Variants in CCDC178 observed in about 807,000 individuals in gnomAD.
CCDC178 encodes the protein coiled-coil domain-containing protein 178.
Under a neutral mutation model 117.4 loss-of-function variants are expected in CCDC178, and 126 were observed. The ratio of observed to expected loss-of-function variants is 1.07; its 90% CI spans 0.93 to 1.24. The LOEUF (loss-of-function observed/expected upper bound fraction) is 1.24. CCDC178 is among the 50% of genes most tolerant of loss of function. The pLI, the probability that CCDC178 is intolerant of heterozygous loss-of-function variation, is 0.00. For synonymous variants in CCDC178, 283 were observed against 313.4 expected, an observed-to-expected ratio of 0.90 and a Z score of 1.02; for missense variants, 1,030 against 986.9, an observed-to-expected ratio of 1.04 and a Z score of -0.59.
intron 20 of CCDC178, among the ~76,000 whole-genome samples, chr18:33,114,681 T>C (rs1053129167): frequency 2.0e-5 from 3 of 152,086 alleles, no homozygotes; most frequent in African/African-American, 7.2e-5. Flanking sequence ...GAAACAGGGC[T>C]ATAGTTACTT....
rs545013168 is a variant in CCDC178 at position 32,989,167 on chromosome 18, A to G, written c.2389-14486T>C. Among the ~76,000 whole-genome samples, 8 of 152,334 alleles carry G rather than the reference A, an allele frequency of 5.3e-5. No individual in the cohort carries two copies. In the South Asian group the frequency reaches 1.7e-3, roughly 32 times the overall value. ...TCCAATAAATGCAGTAAAAAAACCA[A>G]AAAGTATAATTTAATTCTACTTATA... On this transcript the variant is annotated intron_variant, in intron 21 of 22. Coordinates refer to ENST00000383096, the MANE Select transcript of CCDC178 (RefSeq NM_001105528.4).
intron 21 of CCDC178, among the ~76,000 whole-genome samples, chr18:32,993,377 T>C (rs1681667809): frequency 6.6e-6 from 1 of 152,130 alleles, no homozygotes; most frequent in Non-Finnish European, 1.5e-5. Flanking sequence ...ACCCTTACTA[T>C]GGCAATGACC....
intron 20 of CCDC178, among the ~76,000 whole-genome samples, chr18:33,211,003 A>T (rs2144587180): frequency 6.6e-6 from 1 of 151,904 alleles, no homozygotes; most frequent in Admixed American, 6.6e-5. Flanking sequence ...AATAGTCTTT[A>T]AAAAAAAGTT....
chr18:33,124,923 C>T lies in CCDC178; in HGVS notation c.2239-32013G>A, dbSNP rs565650287. Reference sequence around the variant, plus strand: ...GTGCATTGGTTTTAGTATCTGCTAACGCTGAAAGTAGATTTCTGAGACATG... The same window carrying T: ...GTGCATTGGTTTTAGTATCTGCTAATGCTGAAAGTAGATTTCTGAGACATG... On this transcript the variant is annotated intron_variant, in intron 20 of 22. Coordinates refer to ENST00000383096, the MANE Select transcript of CCDC178 (RefSeq NM_001105528.4). Among the ~76,000 whole-genome samples, 169 of 152,260 alleles carry T rather than the reference C, an allele frequency of 1.1e-3. 1 individual carries two copies. The highest frequency in any genetic ancestry group is 3.2e-3 in the African/African-American group (134 of 41,556).
chr18:33,172,605 C>T (rs1022681494), intron 20 of CCDC178, among the ~76,000 whole-genome samples: 5 of 152,076 alleles, frequency 3.3e-5, no homozygotes, highest in African/African-American at 9.7e-5. Context: ...AATCTCATGG[C>T]CTTACCACTC....
At chr18:33,013,820 T>C (rs1331550233) in intron 21 of CCDC178, among the ~76,000 whole-genome samples, 2 of 152,216 alleles carry the variant, frequency 1.3e-5, no homozygotes, top group African/African-American at 4.8e-5. Context: ...TAACCACTCC[T>C]ATTTAGACAA....
chr18:33,249,192 A>G lies in CCDC178; in HGVS notation c.1410-3764T>C, dbSNP rs1275979826. On this transcript the variant is annotated intron_variant, in intron 14 of 22. Transcript: ENST00000383096. ...GCCCTTTGTCAGATGAGTAGATTGC[A>G]AAAATTTTCTCCCATTCTGTGGGTT... Among the ~76,000 whole-genome samples, 10 of 152,186 alleles carry G rather than the reference A, an allele frequency of 6.6e-5. No homozygotes were observed. In the South Asian group the frequency reaches 1.2e-3, roughly 19 times the overall value.
At chr18:33,368,538 A>G (rs1413625716) in intron 6 of CCDC178, among the ~76,000 whole-genome samples, 2 of 151,788 alleles carry the variant, frequency 1.3e-5, no homozygotes, top group African/African-American at 2.4e-5. Context: ...TTTGTAAACT[A>G]TTTTATCTAA....
At chr18:32,972,279 C>T (rs529033972) in intron 22 of CCDC178, among the ~76,000 whole-genome samples, 84 of 152,198 alleles carry the variant, frequency 5.5e-4, no homozygotes, top group African/African-American at 2.0e-3. Context: ...ATAGGGAATC[C>T]TTTCCCCATT....
chr18:33,291,615 C>A (rs2060166626), intron 12 of CCDC178, among the ~76,000 whole-genome samples: 2 of 152,016 alleles, frequency 1.3e-5, no homozygotes, highest in Non-Finnish European at 2.9e-5. Context: ...TTTATTTTAT[C>A]TATTATGTTC....
intron 20 of CCDC178, among the ~76,000 whole-genome samples, chr18:33,147,846 T>C (rs1387197713): frequency 6.6e-6 from 1 of 152,202 alleles, no homozygotes; most frequent in Non-Finnish European, 1.5e-5. Flanking sequence ...AAAACTGCCA[T>C]TGTCATCATG....
At chr18:33,378,532 C>T (rs370251696) in intron 5 of CCDC178, among the ~76,000 whole-genome samples, 2 of 152,150 alleles carry the variant, frequency 1.3e-5, no homozygotes, top group Admixed American at 6.5e-5. Context: ...AAGGGGAATG[C>T]TTCCAGTTTT....
intron 10 of CCDC178, among the ~76,000 whole-genome samples, chr18:33,329,876 A>AGT (rs67627028): frequency 0.1 from 13,154 of 131,152 alleles, 1,017 homozygotes; most frequent in African/African-American, 0.23. Flanking sequence ...GAATTATTAG[A>AGT]GTGTGTGTGT....
chr18:33,237,868 A>C (rs1457123599), intron 15 of CCDC178, among the ~76,000 whole-genome samples: 1 of 152,198 alleles, frequency 6.6e-6, no homozygotes, highest in Non-Finnish European at 1.5e-5. Flanking sequence ...TTCCAGACAG[A>C]GTAACAGCCC....
intron 21 of CCDC178, among the ~76,000 whole-genome samples, chr18:33,016,368 TCTG>T (rs1216436135): frequency 2.0e-5 from 3 of 151,938 alleles, no homozygotes; most frequent in African/African-American, 7.3e-5. Flanking sequence ...GGCTAGCAGA[TCTG>T]CTCTAAAGAG....
intron 20 of CCDC178, among the ~76,000 whole-genome samples, chr18:33,159,219 T>C (rs762870161): frequency 1.5e-3 from 231 of 152,196 alleles, no homozygotes; most frequent in Non-Finnish European, 1.7e-3. Context: ...TTCCCAGATG[T>C]TTGCATTTGT....
chr18:33,308,054 T>C (rs532969916), intron 11 of CCDC178, among the ~76,000 whole-genome samples: 1 of 152,330 alleles, frequency 6.6e-6, no homozygotes, highest in South Asian at 2.1e-4. Context: ...CACTGCCTGA[T>C]GGAGCTGTGA....
At chr18:33,160,523 G>T (rs1249635023) in intron 20 of CCDC178, among the ~76,000 whole-genome samples, 1 of 152,030 alleles carries the variant, frequency 6.6e-6, no homozygotes, top group African/African-American at 2.4e-5. Context: ...TAAACACTTG[G>T]TCAATATTCT....
At chr18:33,173,936 C>A (rs916822767) in intron 20 of CCDC178, among the ~76,000 whole-genome samples, 1 of 152,046 alleles carries the variant, frequency 6.6e-6, no homozygotes, top group African/African-American at 2.4e-5. Flanking sequence ...TTGGCTTTTA[C>A]CAGAGAATAA....
Sources: allele counts gnomAD v4.1 joint callset (sites outside exome capture counted in the v4.1 genomes callset), GRCh38; gene constraint gnomAD v4.1.1; transcripts MANE v1.5; gene names NCBI Gene and HGNC (gene_info 2026-07-23, HGNC 2026-07-21).